Variants in AMIGO2 observed in about 807,000 individuals in gnomAD.
The protein encoded by AMIGO2 is adhesion molecule with Ig like domain 2.
A neutral mutation model predicts 23.7 loss-of-function variants in AMIGO2; 15 were observed. That is an observed-to-expected ratio of 0.63 (90% CI 0.42 to 0.98). AMIGO2 has a LOEUF of 0.98. AMIGO2 is among the 50% of genes least tolerant of loss of function. The probability of loss-of-function intolerance (pLI) is 0.00; values close to 1 mark genes in which losing one functional copy is unlikely to be tolerated. For synonymous variants in AMIGO2, 264 were observed against 252.3 expected (o/e 1.05, Z -0.44); for missense variants, 561 against 633.1 (o/e 0.89, Z 1.22).
At position 47,078,128 on chromosome 12, in the gene AMIGO2, C is replaced by G; in HGVS notation, c.875G>C (p.Arg292Pro). 1.2e-6 allele frequency: 2 copies of G among 1,614,132 alleles called. No homozygotes were observed. The highest frequency in any genetic ancestry group is 1.7e-6 in the Non-Finnish European group (2 of 1,180,036). Residue 292 changes from arginine (R) to proline (P), a missense_variant, in exon 3 of 3, where the codon CGT (arginine) becomes CCT (proline). Transcript: ENST00000550413. ...AGCCTCATGAATAAAGCCAAGCGCACGAAAGGAACCATTGATGATGCTGTC... is the reference window on the plus strand; with the variant it reads ...AGCCTCATGAATAAAGCCAAGCGCAGGAAAGGAACCATTGATGATGCTGTC... ...CSDSIINGSF[R>P]ALGFIHEAQV...
At chr12:47,076,274 G>A (rs1287933060), downstream of AMIGO2, 1 of 152,186 alleles carries the variant, frequency 6.6e-6, no homozygotes, top group African/African-American at 2.4e-5. Flanking sequence ...GCAGAGACAG[G>A]ATAATAAGGA....
chr12:47,075,978 T>C (rs1176527458), downstream of AMIGO2: 1 of 152,224 alleles, frequency 6.6e-6, no homozygotes, highest in East Asian at 1.9e-4. Context: ...GGTCGTATTC[T>C]CTCTGGGCCT....
rs759366874 is a variant in AMIGO2, at chr12:47,079,017, A to G, written c.-15T>C. On this transcript the variant is annotated 5_prime_UTR_variant, in exon 3 of 3. Coordinates refer to ENST00000550413, the MANE Select transcript of AMIGO2 (RefSeq NM_001370299.1). ...CGTAACGACATTATGGTCGCCTCTGAGTCTCTTCCCGGTGTCTTTTCCACC... is the reference window on the plus strand; with the variant it reads ...CGTAACGACATTATGGTCGCCTCTGGGTCTCTTCCCGGTGTCTTTTCCACC... 3 of 1,553,928 alleles carry G rather than the reference A, an allele frequency of 1.9e-6. No individual in the cohort carries two copies. Among genetic ancestry groups the G allele is most frequent in the East Asian group, 2.3e-5 (1 of 44,094 alleles).
chr12:47,077,335 A>G lies in AMIGO2; in HGVS notation c.*99T>C, dbSNP rs1250440478. 3 of 1,456,742 alleles carry G rather than the reference A, an allele frequency of 2.1e-6. No homozygotes were observed. Among genetic ancestry groups the G allele is most frequent in the Non-Finnish European group, 1.8e-6 (2 of 1,093,588 alleles). 90.2% of individuals were successfully genotyped at this position (1,456,742 alleles called of 1,614,324 possible). On this transcript the variant is annotated 3_prime_UTR_variant, in exon 3 of 3. Coordinates refer to ENST00000550413, the MANE Select transcript of AMIGO2 (RefSeq NM_001370299.1). ...GAATTTGGTTGTATTTCAAAGAACA[A>G]AACAACACAATTTCTGTCCTGCTGT...
At position 47,079,028 on chromosome 12, in the gene AMIGO2, G is replaced by A. The variant is rs1941908309; in HGVS notation, c.-26C>T. On this transcript the variant is annotated 5_prime_UTR_variant, in exon 3 of 3. Transcript: ENST00000550413. ...TATGGTCGCCTCTGAGTCTCTTCCC[G>A]GTGTCTTTTCCACCGGCTCAGCCTC... 3 of 1,536,766 alleles carry A rather than the reference G, an allele frequency of 2.0e-6. No homozygotes were observed. The highest frequency in any genetic ancestry group is 2.8e-5 in the African/African-American group (2 of 72,332).
At position 47,079,923 on chromosome 12, in the gene AMIGO2, G is replaced by A. The variant is rs1941941287; in HGVS notation, c.-632C>T. On this transcript the variant is annotated 5_prime_UTR_variant, in exon 1 of 3. Coordinates refer to ENST00000550413, the MANE Select transcript of AMIGO2 (RefSeq NM_001370299.1). ...GCTGGGGCGCCGGTCCCACCCCTGC[G>A]CGTCCTGCCTCCTGCGGGCAGCAGC... 6.6e-6 allele frequency: 1 copy of A among 151,494 alleles called. No homozygotes were observed. The highest frequency in any genetic ancestry group is 1.5e-5 in the Non-Finnish European group (1 of 67,820). 9.4% of individuals were successfully genotyped at this position (151,494 alleles called of 1,614,324 possible).
At position 47,076,805 on chromosome 12, in the gene AMIGO2, G is replaced by T. The variant is rs969141254; in HGVS notation, c.*629C>A. The T allele has an allele frequency of 6.7e-6, 1 of 150,374 alleles. No individual in the cohort carries two copies. Among genetic ancestry groups the T allele is most frequent in the South Asian group, 2.3e-4 (1 of 4,428 alleles). 9.3% of individuals were successfully genotyped at this position (150,374 alleles called of 1,614,324 possible). ...TTTGTACAAGAATACAGAATGGGAA[G>T]AATGTACAAAATGAAAAGACAGGCA... On this transcript the variant is annotated 3_prime_UTR_variant, in exon 3 of 3. Coordinates refer to ENST00000550413, the MANE Select transcript of AMIGO2 (RefSeq NM_001370299.1).
At position 47,078,029 on chromosome 12, in the gene AMIGO2, C is replaced by T. The variant is rs769669681; in HGVS notation, c.974G>A (p.Gly325Asp). ...CGGCTCTAGCAGTCTGTTATCTGGA[C>T]CCACCCAGATGAAATCCGTATTTGC... ...GNANTDFIWV[G>D]PDNRLLEPDK... Residue 325 changes from glycine (G) to aspartate (D), a missense_variant, in exon 3 of 3, where the codon GGT (glycine) becomes GAT (aspartate). Gly to Asp is a moderately conservative substitution (Grantham distance 94). Transcript: ENST00000550413. 1.9e-6 allele frequency: 3 copies of T among 1,613,994 alleles called. No individual in the cohort carries two copies. The highest frequency in any genetic ancestry group is 2.5e-6 in the Non-Finnish European group (3 of 1,180,042).
rs1423930727 is a variant in AMIGO2, at chr12:47,077,644, G to A, written c.1359C>T (p.Ala453=). The A allele has an allele frequency of 5.0e-6, 8 of 1,614,104 alleles. No individual in the cohort carries two copies. In the South Asian group the frequency reaches 8.8e-5, roughly 18 times the overall value. ...SILSPGPASD[A]SADERKAGAG... Reference sequence around the variant, plus strand: ...CACCTGCCTTCCGTTCATCAGCGGAGGCATCACTAGCGGGGCCAGGACTGA... The same window carrying A: ...CACCTGCCTTCCGTTCATCAGCGGAAGCATCACTAGCGGGGCCAGGACTGA... The change falls in exon 3 of 3, where the codon GCC becomes GCT. Residue 453 remains alanine (A), a synonymous_variant. Transcript: ENST00000550413.
In AMIGO2 at chr12:47,077,262, T is replaced by C. The variant is rs1390663730; in HGVS notation, c.*172A>G. Reference sequence around the variant, plus strand: ...AACAACCCCATCTTTCTATGGCACATTGAGGAACTGAAGTACTTTACCTCA... The same window carrying C: ...AACAACCCCATCTTTCTATGGCACACTGAGGAACTGAAGTACTTTACCTCA... On this transcript the variant is annotated 3_prime_UTR_variant, in exon 3 of 3. Coordinates refer to ENST00000550413, the MANE Select transcript of AMIGO2 (RefSeq NM_001370299.1). The C allele has an allele frequency of 5.5e-6, 5 of 908,974 alleles. No individual in the cohort carries two copies. The highest frequency in any genetic ancestry group is 1.7e-5 in the African/African-American group (1 of 57,456). 56.3% of individuals were successfully genotyped at this position (908,974 alleles called of 1,614,324 possible).
Position 47,077,254 on chromosome 12 carries a change from A to C in AMIGO2, c.*180T>G, listed in dbSNP as rs854889. 735,247 of 850,188 alleles carry C rather than the reference A, an allele frequency of 0.86. 318,913 individuals are homozygous for C. The highest frequency in any genetic ancestry group is 0.96 in the African/African-American group (55,955 of 58,446). The allele number at this position is 850,188 out of a possible 1,614,324, so 52.7% of individuals were successfully genotyped here. A position where few individuals can be genotyped will look rare whatever the true frequency, so the allele number is the denominator to read the frequency against. On this transcript the variant is annotated 3_prime_UTR_variant, in exon 3 of 3. Coordinates refer to ENST00000550413, the MANE Select transcript of AMIGO2 (RefSeq NM_001370299.1). Reference sequence around the variant, plus strand: ...CTTTGGAAAACAACCCCATCTTTCTATGGCACATTGAGGAACTGAAGTACT... The same window carrying C: ...CTTTGGAAAACAACCCCATCTTTCTCTGGCACATTGAGGAACTGAAGTACT...
At position 47,077,675 on chromosome 12, in the gene AMIGO2, G is replaced by A. The variant is rs1380598790; in HGVS notation, c.1328C>T (p.Ser443Leu). 24 of 1,614,080 alleles carry A rather than the reference G, an allele frequency of 1.5e-5. No homozygotes were observed. The highest frequency in any genetic ancestry group is 1.9e-5 in the Non-Finnish European group (22 of 1,180,054). Residue 443 changes from serine (S) to leucine (L), a missense_variant, in exon 3 of 3, where the codon TCG (serine) becomes TTG (leucine). By Grantham distance (145) the Ser-to-Leu change is moderately radical. Coordinates refer to ENST00000550413, the MANE Select transcript of AMIGO2 (RefSeq NM_001370299.1). The stretch of plus-strand genomic sequence containing the variant: ...ACTAGCGGGGCCAGGACTGAGAATC[G>A]ATGAATGGGCATTGCTTTGGTGTAG... ...NMLHQSNAHS[S>L]ILSPGPASDA...
At chr12:47,076,382 G>A (rs1048437969), downstream of AMIGO2, 12 of 152,190 alleles carry the variant, frequency 7.9e-5, no homozygotes, top group African/African-American at 2.9e-4. Flanking sequence ...CATACGGAAG[G>A]TATAAATTGA....
rs1233098353 is a variant in AMIGO2 at position 47,077,713 on chromosome 12, T to C, written c.1290A>G (p.Arg430=). ...TPCPCKCKTK[R]QKNMLHQSNA... is the part of the protein sequence containing the mutation. ...TGCTTTGGTGTAGCATATTTTTCTGTCTCTTGGTTTTACACTTGCAGGGGC... is the reference window on the plus strand; with the variant it reads ...TGCTTTGGTGTAGCATATTTTTCTGCCTCTTGGTTTTACACTTGCAGGGGC... Residue 430 remains arginine (R), a synonymous_variant, in exon 3 of 3, where the codon AGA becomes AGG. Transcript: ENST00000550413. The C allele has an allele frequency of 2.5e-6, 4 of 1,614,170 alleles. No individual in the cohort carries two copies. The highest frequency in any genetic ancestry group is 3.4e-6 in the Non-Finnish European group (4 of 1,180,030).
In AMIGO2 at chr12:47,078,308, C is replaced by G. The variant is rs1452374861; in HGVS notation, c.695G>C (p.Cys232Ser). 4 of 1,614,014 alleles carry G rather than the reference C, an allele frequency of 2.5e-6. No homozygotes were observed. In the South Asian group the frequency reaches 3.3e-5, roughly 13 times the overall value. Residue 232 changes from cysteine (C) to serine (S), a missense_variant, in exon 3 of 3, where the codon TGT becomes TCT. By Grantham distance (112) the Cys-to-Ser change is moderately radical. Coordinates refer to ENST00000550413, the MANE Select transcript of AMIGO2 (RefSeq NM_001370299.1). ...CAGCAAGGAGTACAGGGAACAGTCACAGACAAATGGGTTTCCATGAAGGTA... is the reference window on the plus strand; with the variant it reads ...CAGCAAGGAGTACAGGGAACAGTCAGAGACAAATGGGTTTCCATGAAGGTA... Reference protein sequence around the residue: ...GIYLHGNPFVCDCSLYSLLVF... With the variant: ...GIYLHGNPFVSDCSLYSLLVF...
Position 47,079,266 on chromosome 12 carries a change from C to T in AMIGO2, c.-170-18G>A. 1 of 399,606 alleles carries T rather than the reference C, an allele frequency of 2.5e-6. No homozygotes were observed. 24.8% of individuals were successfully genotyped at this position (399,606 alleles called of 1,614,324 possible). A position where few individuals can be genotyped will look rare whatever the true frequency, so the allele number is the denominator to read the frequency against. Reference sequence around the variant, plus strand: ...GGTTAGTCCTGCTTATAAAAATGTACAGTCACATTCTCTCCATACAACCCA... The same window carrying T: ...GGTTAGTCCTGCTTATAAAAATGTATAGTCACATTCTCTCCATACAACCCA... On this transcript the variant is annotated intron_variant, in intron 1 of 2. Transcript: ENST00000550413.
chr12:47,077,822 T>G lies in AMIGO2; in HGVS notation c.1181A>C (p.Glu394Ala). The change falls in exon 3 of 3, where the codon GAG becomes GCG. Residue 394 changes from glutamate to alanine, a missense_variant. Transcript: ENST00000550413. ...AGTGGTAAAAGCTGTGTTAAATGCC[T>G]CATGAGCATGGGATCTGCTTACAGT... The part of the protein sequence containing the change: ...NFTVSRSHAH[E>A]AFNTAFTTLA... The G allele has an allele frequency of 1.2e-6, 2 of 1,614,212 alleles. No individual in the cohort carries two copies. Among genetic ancestry groups the G allele is most frequent in the Non-Finnish European group, 1.7e-6 (2 of 1,180,038 alleles).
Position 47,078,210 on chromosome 12 carries a change from C to CA in AMIGO2, c.792dup (p.Asp265Ter). ...AGTACCTGACGCGAGTGCCTGGAGT[C>CA]AGACCACAGGCGACAGGTGTAATCG... On this transcript the variant is annotated frameshift_variant, in exon 3 of 3. Transcript: ENST00000550413. LOFTEE classifies it high-confidence loss of function. The CA allele has an allele frequency of 6.2e-7, 1 of 1,614,164 alleles. No individual in the cohort carries two copies. The highest frequency in any genetic ancestry group is 8.5e-7 in the Non-Finnish European group (1 of 1,180,036).
In AMIGO2 at chr12:47,077,576, G is replaced by A. The variant is rs1156419086; in HGVS notation, c.1427C>T (p.Ala476Val). Residue 476 changes from alanine (A) to valine (V), a missense_variant, in exon 3 of 3, where the codon GCA becomes GTA. Ala to Val is a moderately conservative substitution (Grantham distance 64). Transcript: ENST00000550413. ...CCTGACTTTCCCGTTCTGCCCTGCT[G>A]CAGTATCCTTCAGGGGTTCCAAAAA... The part of the protein sequence containing the change: ...VVFLEPLKDT[A>V]AGQNGKVRLF... The A allele has an allele frequency of 1.9e-6, 3 of 1,614,084 alleles. No homozygotes were observed. Among genetic ancestry groups the A allele is most frequent in the African/African-American group, 1.3e-5 (1 of 74,930 alleles).
Sources: allele counts gnomAD v4.1 joint callset, GRCh38; gene constraint gnomAD v4.1.1; transcripts MANE v1.5; gene names NCBI Gene and HGNC (gene_info 2026-07-23, HGNC 2026-07-21).